Variants in GRIN2B observed in about 807,000 individuals in gnomAD.
GRIN2B encodes glutamate ionotropic receptor NMDA type subunit 2B, also known as glutamate receptor ionotropic, NMDA 2B.
GRIN2B carries 5 observed loss-of-function variants against 114.5 expected under a neutral mutation model. The observed-to-expected ratio is 0.04, with a 90% CI of 0.02 to 0.09. GRIN2B has a LOEUF of 0.09. Among genes scored for constraint, GRIN2B ranks in the 10% least tolerant of loss-of-function variants. The pLI is 1.00. For synonymous variants in GRIN2B, 787 were observed against 745.1 expected (o/e 1.06, Z -0.92); for missense variants, 1,108 against 1,943.5 (o/e 0.57, Z 8.08).
intron 5 of GRIN2B, among the ~76,000 whole-genome samples, chr12:13,660,150 C>G (rs61912881): frequency 0.072 from 10,917 of 152,188 alleles, 409 homozygotes; most frequent in Non-Finnish European, 0.089. Flanking sequence ...GTGCACATCT[C>G]AAAACTGACA....
intron 3 of GRIN2B, among the ~76,000 whole-genome samples, chr12:13,838,792 T>A (rs972814101): frequency 3.9e-5 from 6 of 152,196 alleles, no homozygotes; most frequent in African/African-American, 1.4e-4. Context: ...CCAAGAAATA[T>A]CTGTATTTCA....
chr12:13,781,832 G>A (rs1258769039), intron 3 of GRIN2B, among the ~76,000 whole-genome samples: 2 of 152,156 alleles, frequency 1.3e-5, no homozygotes, highest in African/African-American at 4.8e-5. Flanking sequence ...AAGGAGTCAC[G>A]GGGTCAGCTG....
chr12:13,628,505 C>T (rs1565482319), intron 5 of GRIN2B, among the ~76,000 whole-genome samples: 1 of 152,212 alleles, frequency 6.6e-6, no homozygotes, highest in East Asian at 1.9e-4. Context: ...AGATCTTAGA[C>T]ATACTAAACT....
intron 4 of GRIN2B, among the ~76,000 whole-genome samples, chr12:13,735,451 T>C (rs541788011): frequency 5.3e-5 from 8 of 152,226 alleles, no homozygotes; most frequent in African/African-American, 7.2e-5. Context: ...GAAAGCATAC[T>C]GTATTTGAGA....
chr12:13,908,723 C>T (rs905740114), intron 2 of GRIN2B, among the ~76,000 whole-genome samples: 1 of 152,182 alleles, frequency 6.6e-6, no homozygotes, highest in Admixed American at 6.5e-5. Flanking sequence ...TGCCCTGAAC[C>T]TCTCTACTCA....
At chr12:13,894,469 A>G (rs1866321679) in intron 2 of GRIN2B, among the ~76,000 whole-genome samples, 1 of 152,160 alleles carries the variant, frequency 6.6e-6, no homozygotes, top group Non-Finnish European at 1.5e-5. Flanking sequence ...TTAATTTTAA[A>G]AAGAGCACCA....
chr12:13,575,577 T>G (rs1396834528), intron 10 of GRIN2B, among the ~76,000 whole-genome samples: 1 of 152,070 alleles, frequency 6.6e-6, no homozygotes, highest in Non-Finnish European at 1.5e-5. Context: ...GAGGATTGCT[T>G]GAGCCCAGGA....
At chr12:13,844,064 A>C (rs1865429879) in intron 3 of GRIN2B, among the ~76,000 whole-genome samples, 1 of 152,234 alleles carries the variant, frequency 6.6e-6, no homozygotes, top group Non-Finnish European at 1.5e-5. Context: ...AGCTTAATGA[A>C]GTGTTAATGA....
chr12:13,603,223 A>G (rs984930239), intron 10 of GRIN2B, among the ~76,000 whole-genome samples: 17 of 152,264 alleles, frequency 1.1e-4, no homozygotes, highest in Admixed American at 3.9e-4. Flanking sequence ...CTTATTAAAT[A>G]AAGTGCAAAT....
intron 1 of GRIN2B, among the ~76,000 whole-genome samples, chr12:13,980,703 C>T (rs1863116839): frequency 1.3e-5 from 2 of 152,180 alleles, no homozygotes; most frequent in Non-Finnish European, 2.9e-5. Context: ...CACACACACG[C>T]AGAAACACAA....
At chr12:13,720,933 G>C (rs1171879358) in intron 4 of GRIN2B, among the ~76,000 whole-genome samples, 1 of 152,046 alleles carries the variant, frequency 6.6e-6, no homozygotes, top group African/African-American at 2.4e-5. Context: ...CATGTCTAAA[G>C]GGAGAGAGAG....
chr12:13,707,392 T>C (rs986058916), intron 4 of GRIN2B, among the ~76,000 whole-genome samples: 2 of 152,168 alleles, frequency 1.3e-5, no homozygotes, highest in Non-Finnish European at 2.9e-5. Flanking sequence ...TTCAGTGATA[T>C]TAATCACTAT....
At chr12:13,818,496 G>C (rs762530118) in intron 3 of GRIN2B, among the ~76,000 whole-genome samples, 1 of 152,224 alleles carries the variant, frequency 6.6e-6, no homozygotes, top group East Asian at 1.9e-4. Flanking sequence ...TCACAGGTAA[G>C]TTGAGGAAAC....
intron 2 of GRIN2B, among the ~76,000 whole-genome samples, chr12:13,910,567 T>G (rs1338668162): frequency 1.3e-5 from 2 of 152,192 alleles, no homozygotes; most frequent in African/African-American, 2.4e-5. Flanking sequence ...GGTCTTCATC[T>G]TTTCTGGCCA....
chr12:13,583,906 G>A (rs2136430630), intron 10 of GRIN2B, among the ~76,000 whole-genome samples: 1 of 152,246 alleles, frequency 6.6e-6, no homozygotes, highest in Non-Finnish European at 1.5e-5. Flanking sequence ...CTATTGTTCA[G>A]CTAAAGCAGC....
chr12:13,832,344 G>T (rs2136704248), intron 3 of GRIN2B, among the ~76,000 whole-genome samples: 1 of 152,246 alleles, frequency 6.6e-6, no homozygotes, highest in Non-Finnish European at 1.5e-5. Flanking sequence ...GTACAAACAT[G>T]TATTCCTCCT....
intron 2 of GRIN2B, among the ~76,000 whole-genome samples, chr12:13,943,534 C>T (rs1431209400): frequency 1.3e-5 from 2 of 152,180 alleles, no homozygotes; most frequent in Non-Finnish European, 2.9e-5. Context: ...TGACTACCTC[C>T]GTGATCTCAT....
At chr12:13,810,487 T>C (rs1864708508) in intron 3 of GRIN2B, among the ~76,000 whole-genome samples, 1 of 152,114 alleles carries the variant, frequency 6.6e-6, no homozygotes, top group African/African-American at 2.4e-5. Flanking sequence ...CAGGAAATAT[T>C]TGTTGATTGG....
chr12:13,900,270 T>C (rs958910689), intron 2 of GRIN2B, among the ~76,000 whole-genome samples: 1 of 151,854 alleles, frequency 6.6e-6, no homozygotes, highest in Non-Finnish European at 1.5e-5. Context: ...GGTCAGGAGT[T>C]CGAGACCAGC....
Sources: allele counts gnomAD v4.1 joint callset (sites outside exome capture counted in the v4.1 genomes callset), GRCh38; gene constraint gnomAD v4.1.1; transcripts MANE v1.5; gene names NCBI Gene and HGNC (gene_info 2026-07-23, HGNC 2026-07-21).